The following C8orf34 variants were observed in gnomAD, a reference collection of about 807,000 sequenced individuals.
The protein encoded by C8orf34 is uncharacterized protein C8orf34.
C8orf34 carries 65 observed loss-of-function variants against 68.3 expected under a neutral mutation model. The ratio of observed to expected loss-of-function variants is 0.95; its 90% CI spans 0.78 to 1.17. C8orf34 has a LOEUF of 1.17. C8orf34 is among the 50% of genes most tolerant of loss of function. C8orf34 has a pLI of 0.00. For synonymous variants in C8orf34, 244 were observed against 241.2 expected (o/e 1.01, Z -0.11); for missense variants, 664 against 655.4 (o/e 1.01, Z -0.14).
At chr8:68,563,014 A>T (rs1203561738) in intron 7 of C8orf34, among the ~76,000 whole-genome samples, 1 of 152,156 alleles carries the variant, frequency 6.6e-6, no homozygotes, top group Non-Finnish European at 1.5e-5. Flanking sequence ...TAAAACACAC[A>T]TCTAAATGGC....
At chr8:68,418,064 T>TGGGA (rs1460382470) in intron 1 of C8orf34, among the ~76,000 whole-genome samples, 8 of 147,842 alleles carry the variant, frequency 5.4e-5, no homozygotes, top group African/African-American at 2.0e-4. Context: ...CAATTGTGAA[T>TGGGA]GGGAGTTCAC....
intron 10 of C8orf34, among the ~76,000 whole-genome samples, chr8:68,755,930 G>T (rs981372426): frequency 3.3e-5 from 5 of 151,948 alleles, no homozygotes; most frequent in Admixed American, 3.3e-4. Context: ...AGCCGGGCGT[G>T]ATGGCGGGCG....
At chr8:68,604,301 TTG>T (rs930362799) in intron 7 of C8orf34, among the ~76,000 whole-genome samples, 37 of 135,102 alleles carry the variant, frequency 2.7e-4, no homozygotes, top group African/African-American at 1.3e-3. Flanking sequence ...CAACATTGAG[TTG>T]TTTTTTTTTT....
At chr8:68,416,200 G>A (rs143707230) in intron 1 of C8orf34, among the ~76,000 whole-genome samples, 11 of 152,264 alleles carry the variant, frequency 7.2e-5, no homozygotes, top group African/African-American at 2.6e-4. Context: ...CTCCCAGCTG[G>A]TTAAAAATTA....
intron 7 of C8orf34, among the ~76,000 whole-genome samples, chr8:68,551,617 C>A (rs761101810): frequency 6.6e-6 from 1 of 152,092 alleles, no homozygotes; most frequent in Admixed American, 6.5e-5. Flanking sequence ...TCCTGATAGG[C>A]AGACATGATG....
intron 10 of C8orf34, among the ~76,000 whole-genome samples, chr8:68,734,744 T>A (rs1318279350): frequency 6.6e-6 from 1 of 152,192 alleles, no homozygotes; most frequent in Non-Finnish European, 1.5e-5. Context: ...ACTCATCATG[T>A]TAACATCTCT....
At chr8:68,393,954 A>G (rs555688792) in intron 1 of C8orf34, among the ~76,000 whole-genome samples, 1 of 152,096 alleles carries the variant, frequency 6.6e-6, no homozygotes, top group Non-Finnish European at 1.5e-5. Flanking sequence ...TGAAGAGAGG[A>G]CTGGCTACAT....
At chr8:68,351,149 G>A (rs1052976461) in intron 1 of C8orf34, among the ~76,000 whole-genome samples, 5 of 151,952 alleles carry the variant, frequency 3.3e-5, no homozygotes, top group African/African-American at 1.2e-4. Flanking sequence ...TGTAAGGCAG[G>A]TCTGGTGGGA....
At chr8:68,792,571 C>CAAAAAAAAAAAAAAAAAAAAAAAA (rs1162293308) in intron 12 of C8orf34, 1 of 42,296 alleles carries the variant, frequency 2.4e-5, no homozygotes, top group African/African-American at 7.0e-5. Context: ...GACTCCATCT[C>CAAAAAAAAAAAAAAAAAAAAAAAA]AAAAAAAAAA....
chr8:68,505,736 TC>T (rs1311666669), intron 5 of C8orf34, among the ~76,000 whole-genome samples: 3 of 117,130 alleles, frequency 2.6e-5, no homozygotes, highest in Non-Finnish European at 5.1e-5. Context: ...AGACTCCGTC[TC>T]CAAAAAAAAA....
chr8:68,791,106 G>A (rs1010149444), intron 12 of C8orf34: 20 of 518,140 alleles, frequency 3.9e-5, no homozygotes, highest in East Asian at 9.0e-5. Flanking sequence ...TGTATTAGTC[G>A]GTTTTCACAC....
At chr8:68,746,208 C>A (rs932316375) in intron 10 of C8orf34, among the ~76,000 whole-genome samples, 4 of 151,990 alleles carry the variant, frequency 2.6e-5, no homozygotes, top group African/African-American at 7.2e-5. Context: ...ACACAACATA[C>A]CAGAATCTCT....
intron 9 of C8orf34, among the ~76,000 whole-genome samples, chr8:68,713,539 A>G (rs1042184289): frequency 1.3e-5 from 2 of 152,108 alleles, no homozygotes; most frequent in Non-Finnish European, 2.9e-5. Context: ...TTACACACAT[A>G]AATTGGAAAA....
intron 10 of C8orf34, among the ~76,000 whole-genome samples, chr8:68,765,330 C>T (rs1201687547): frequency 1.3e-5 from 2 of 152,208 alleles, no homozygotes; most frequent in African/African-American, 2.4e-5. Flanking sequence ...CAAAGCCTGT[C>T]CTCTTACTTT....
intron 10 of C8orf34, among the ~76,000 whole-genome samples, chr8:68,768,038 G>A (rs969767906): frequency 1.3e-5 from 2 of 152,156 alleles, no homozygotes; most frequent in African/African-American, 4.8e-5. Flanking sequence ...TTATTTATGA[G>A]TGTTCAAGAC....
At chr8:68,730,623 G>T (rs1332530790) in intron 10 of C8orf34, among the ~76,000 whole-genome samples, 6 of 152,090 alleles carry the variant, frequency 3.9e-5, no homozygotes, top group African/African-American at 1.4e-4. Flanking sequence ...GATAAAGTGT[G>T]ATCTAATAAA....
At chr8:68,613,884 G>T (rs1363216583) in intron 7 of C8orf34, among the ~76,000 whole-genome samples, 8 of 152,126 alleles carry the variant, frequency 5.3e-5, no homozygotes, top group African/African-American at 1.4e-4. Flanking sequence ...CACAATGGTT[G>T]AACTAGTTTA....
At chr8:68,332,673 A>G (rs1028376453) in intron 1 of C8orf34, among the ~76,000 whole-genome samples, 3 of 152,176 alleles carry the variant, frequency 2.0e-5, no homozygotes, top group African/African-American at 7.2e-5. Context: ...GGTTTCACAT[A>G]ACAAGATTTG....
intron 7 of C8orf34, among the ~76,000 whole-genome samples, chr8:68,570,477 T>C (rs1816730031): frequency 6.6e-6 from 1 of 152,206 alleles, no homozygotes; most frequent in African/African-American, 2.4e-5. Context: ...CTCCTTATGC[T>C]AATAAAACAT....
Sources: gnomAD v4.1 joint callset for allele counts (sites outside exome capture counted in the v4.1 genomes callset) on GRCh38, gnomAD v4.1.1 for gene constraint, MANE v1.5 for transcripts, NCBI Gene and HGNC (gene_info 2026-07-23, HGNC 2026-07-21) for gene names.